Variants in SHISA9 observed in about 807,000 individuals in gnomAD.
SHISA9 encodes the protein protein shisa-9.
Under a neutral mutation model 38.0 loss-of-function variants are expected in SHISA9, and 13 were observed. That is an observed-to-expected ratio of 0.34 (90% CI 0.22 to 0.54). SHISA9 has a LOEUF of 0.54. SHISA9 is among the 20% of genes least tolerant of loss of function. The pLI, the probability that SHISA9 is intolerant of heterozygous loss-of-function variation, is 0.91. For missense variants in SHISA9, 538 were observed against 575.8 expected (o/e 0.93, Z 0.67); for synonymous variants, 275 against 242.0 (o/e 1.14, Z -1.27).
At chr16:13,145,553 AGTT>A (rs1390727695) in intron 2 of SHISA9, among the ~76,000 whole-genome samples, 1 of 152,128 alleles carries the variant, frequency 6.6e-6, no homozygotes, top group Non-Finnish European at 1.5e-5. Flanking sequence ...AAAAAAAGGT[AGTT>A]GTGTGGCTGC....
At chr16:13,504,083 C>G in the SHISA9 span, among the ~76,000 whole-genome samples, 2 of 152,150 alleles carry the variant, frequency 1.3e-5, no homozygotes, top group Non-Finnish European at 2.9e-5. Flanking sequence ...TGAGCATTGG[C>G]TTTAGAGTGC....
the SHISA9 span, among the ~76,000 whole-genome samples, chr16:13,257,953 C>T: frequency 0.032 from 4,846 of 152,278 alleles, 271 homozygotes; most frequent in African/African-American, 0.11. Flanking sequence ...TAAATAAAAA[C>T]ATCATGACCA....
At chr16:13,484,811 T>C in the SHISA9 span, among the ~76,000 whole-genome samples, 1 of 151,926 alleles carries the variant, frequency 6.6e-6, no homozygotes, top group African/African-American at 2.4e-5. Context: ...AACAACCAGA[T>C]CTCCGGAGAA....
intron 2 of SHISA9, among the ~76,000 whole-genome samples, chr16:13,096,923 C>T (rs957913041): frequency 1.1e-4 from 17 of 151,760 alleles, no homozygotes; most frequent in Admixed American, 1.1e-3. Flanking sequence ...TTTAGAGTGA[C>T]CCCTCTGTTC....
At chr16:13,438,992 A>C in the SHISA9 span, among the ~76,000 whole-genome samples, 591 of 152,330 alleles carry the variant, frequency 3.9e-3, 2 homozygotes, top group Non-Finnish European at 5.9e-3. Context: ...AAACATTTAA[A>C]ATCCCGCCAT....
At chr16:13,150,641 A>G (rs1401934677) in intron 2 of SHISA9, among the ~76,000 whole-genome samples, 3 of 152,206 alleles carry the variant, frequency 2.0e-5, no homozygotes, top group African/African-American at 7.2e-5. Context: ...AGCCTATTGA[A>G]TCAGAATATG....
chr16:13,100,903 T>C (rs2073872472), intron 2 of SHISA9, among the ~76,000 whole-genome samples: 1 of 152,122 alleles, frequency 6.6e-6, no homozygotes, highest in South Asian at 2.1e-4. Flanking sequence ...GACGGGGTTT[T>C]GCCATGTTGG....
At chr16:13,011,502 G>A (rs1014354296) in intron 2 of SHISA9, among the ~76,000 whole-genome samples, 13 of 151,962 alleles carry the variant, frequency 8.6e-5, no homozygotes, top group Admixed American at 5.9e-4. Flanking sequence ...CCCCATCCCT[G>A]GTAACCTCTA....
At chr16:13,100,146 CAG>C (rs1229886195) in intron 2 of SHISA9, among the ~76,000 whole-genome samples, 2 of 152,314 alleles carry the variant, frequency 1.3e-5, no homozygotes, top group African/African-American at 4.8e-5. Context: ...CAAGAGAACT[CAG>C]AGATGCAGAT....
intron 2 of SHISA9, among the ~76,000 whole-genome samples, chr16:13,057,979 T>C (rs996623134): frequency 6.6e-6 from 1 of 152,168 alleles, no homozygotes; most frequent in Non-Finnish European, 1.5e-5. Context: ...AAGGACATGA[T>C]CTCGTTCCTT....
intron 4 of SHISA9, among the ~76,000 whole-genome samples, chr16:13,222,318 G>A (rs1236538978): frequency 2.0e-5 from 3 of 152,142 alleles, no homozygotes; most frequent in African/African-American, 4.8e-5. Context: ...GCTCTACTCC[G>A]AGTGGTCACT....
intron 2 of SHISA9, among the ~76,000 whole-genome samples, chr16:12,929,742 T>C (rs1191869207): frequency 2.0e-5 from 3 of 151,826 alleles, no homozygotes; most frequent in Non-Finnish European, 4.4e-5. Context: ...CTGCACACGT[T>C]TATATATGTA....
chr16:13,027,047 C>T (rs557660397), intron 2 of SHISA9, among the ~76,000 whole-genome samples: 3 of 152,206 alleles, frequency 2.0e-5, no homozygotes, highest in Non-Finnish European at 2.9e-5. Context: ...CTCCCTCCCC[C>T]ACTGCTGTAT....
the SHISA9 span, among the ~76,000 whole-genome samples, chr16:13,476,945 T>C: frequency 1.3e-5 from 2 of 151,928 alleles, no homozygotes; most frequent in African/African-American, 4.8e-5. Flanking sequence ...GAGACGGGGT[T>C]TCACTGTGTC....
chr16:12,979,322 T>C (rs1311932324), intron 2 of SHISA9, among the ~76,000 whole-genome samples: 1 of 152,064 alleles, frequency 6.6e-6, no homozygotes, highest in Non-Finnish European at 1.5e-5. Flanking sequence ...TTTTTGACCT[T>C]AGGGACACAA....
chr16:13,341,924 C>T, the SHISA9 span, among the ~76,000 whole-genome samples: 5 of 152,158 alleles, frequency 3.3e-5, no homozygotes, highest in Non-Finnish European at 5.9e-5. Context: ...ACCAGAGCAA[C>T]ATCCACCCAG....
the SHISA9 span, among the ~76,000 whole-genome samples, chr16:13,268,617 C>T: frequency 7.9e-5 from 12 of 152,174 alleles, no homozygotes; most frequent in Non-Finnish European, 1.5e-4. Flanking sequence ...CATTACACTT[C>T]TCCGTAGTGT....
At chr16:12,943,320 TGTGTGTGTGTGAGAGAGAGAGAGAGA>T (rs1567347592) in intron 2 of SHISA9, among the ~76,000 whole-genome samples, 23 of 23,606 alleles carry the variant, frequency 9.7e-4, no homozygotes, top group African/African-American at 2.6e-3. Flanking sequence ...TGTGTGTGTG[TGTGTGTGTGTGAGAGAGAGAGAGAGA>T]GAGAGAGAGA....
the SHISA9 span, among the ~76,000 whole-genome samples, chr16:13,354,644 C>T: frequency 0.78 from 115,047 of 147,100 alleles, 45,313 homozygotes; most frequent in East Asian, 0.95. Flanking sequence ...ATTAAAGCAG[C>T]GGCAGCCGCT....
Sources: allele counts gnomAD v4.1 joint callset (sites outside exome capture counted in the v4.1 genomes callset), GRCh38; gene constraint gnomAD v4.1.1; transcripts MANE v1.5; gene names NCBI Gene and HGNC (gene_info 2026-07-23, HGNC 2026-07-21).